KCNK9: variants seen among roughly 807,000 people sequenced by gnomAD.
KCNK9 encodes potassium two pore domain channel subfamily K member 9, also known as potassium channel subfamily K member 9.
Under a neutral mutation model 10.8 loss-of-function variants are expected in KCNK9, and 1 was observed. The observed-to-expected ratio is 0.09, with a 90% CI of 0.03 to 0.44. The LOEUF (loss-of-function observed/expected upper bound fraction) is 0.44, where lower values mean the gene tolerates loss of function less well. KCNK9 is among the 20% of genes least tolerant of loss of function. The probability of loss-of-function intolerance (pLI) is 0.97; values close to 1 mark genes in which losing one functional copy is unlikely to be tolerated. For synonymous variants in KCNK9, 231 were observed against 222.7 expected, an observed-to-expected ratio of 1.04 and a Z score of -0.33; for missense variants, 303 against 515.0, an observed-to-expected ratio of 0.59 and a Z score of 3.98.
intron 1 of KCNK9, among the ~76,000 whole-genome samples, chr8:139,631,168 T>C (rs1246403820): frequency 6.6e-6 from 1 of 152,270 alleles, no homozygotes; most frequent in Non-Finnish European, 1.5e-5. Flanking sequence ...CTAATCTTTC[T>C]TTCTCATAGA....
chr8:139,662,878 G>T (rs1438540890), intron 1 of KCNK9, among the ~76,000 whole-genome samples: 7 of 149,694 alleles, frequency 4.7e-5, no homozygotes, highest in Non-Finnish European at 8.9e-5. Context: ...GGGGAAGGGG[G>T]GGGGGCTGGA....
intron 1 of KCNK9, among the ~76,000 whole-genome samples, chr8:139,642,706 G>A (rs763227104): frequency 6.6e-6 from 1 of 152,248 alleles, no homozygotes; most frequent in Admixed American, 6.5e-5. Context: ...TGGGGAAGGA[G>A]CCGTGGATGG....
At chr8:139,681,792 C>T (rs1009501098) in intron 1 of KCNK9, among the ~76,000 whole-genome samples, 2 of 152,228 alleles carry the variant, frequency 1.3e-5, no homozygotes, top group African/African-American at 4.8e-5. Context: ...GGCCTCAGCA[C>T]CCTACTTGGA....
intron 2 of KCNK9, among the ~76,000 whole-genome samples, chr8:139,605,767 A>G (rs2257733): frequency 5.3e-5 from 8 of 152,250 alleles, no homozygotes; most frequent in Non-Finnish European, 1.2e-4. Context: ...TTACAAAAGA[A>G]AGATGCAAAC....
intron 1 of KCNK9, among the ~76,000 whole-genome samples, chr8:139,658,860 C>T (rs1816083952): frequency 6.6e-6 from 1 of 152,242 alleles, no homozygotes; most frequent in Non-Finnish European, 1.5e-5. Flanking sequence ...TTGGACCTGG[C>T]CTCTACTCCA....
chr8:139,667,835 C>A (rs1227458865), intron 1 of KCNK9, among the ~76,000 whole-genome samples: 1 of 151,896 alleles, frequency 6.6e-6, no homozygotes, highest in East Asian at 1.9e-4. Flanking sequence ...GAGCTGAGAT[C>A]GTGCCACTGC....
chr8:139,700,154 A>G (rs557804912), intron 1 of KCNK9, among the ~76,000 whole-genome samples: 130 of 152,322 alleles, frequency 8.5e-4, no homozygotes, highest in African/African-American at 3.0e-3. Context: ...TGTGCTAAAC[A>G]GCTTCTTAGG....
intron 1 of KCNK9, among the ~76,000 whole-genome samples, chr8:139,679,765 G>A (rs1816643849): frequency 6.6e-6 from 1 of 152,142 alleles, no homozygotes; most frequent in African/African-American, 2.4e-5. Flanking sequence ...AGGGAAACCT[G>A]GGGAAACACA....
At chr8:139,646,648 G>T (rs2615381) in intron 1 of KCNK9, among the ~76,000 whole-genome samples, 149,576 of 152,372 alleles carry the variant, frequency 0.98, 73,474 homozygotes, top group Non-Finnish European at 1. Context: ...AAACAGGGAT[G>T]CCAGGGACTA....
chr8:139,609,393 C>CAA (rs1402340304), downstream of KCNK9, among the ~76,000 whole-genome samples: 1 of 152,198 alleles, frequency 6.6e-6, no homozygotes, highest in Non-Finnish European at 1.5e-5. Flanking sequence ...TTTGCTGGGC[C>CAA]AAGTGGCCCT....
chr8:139,696,959 AGATG>A (rs1817073394), intron 1 of KCNK9, among the ~76,000 whole-genome samples: 3 of 119,980 alleles, frequency 2.5e-5, no homozygotes, highest in South Asian at 3.0e-4. Context: ...GTGGATGAAT[AGATG>A]GATGGATGGG....
intron 1 of KCNK9, among the ~76,000 whole-genome samples, chr8:139,694,564 G>T (rs533586956): frequency 6.6e-6 from 1 of 152,290 alleles, no homozygotes; most frequent in Admixed American, 6.5e-5. Context: ...CTGAAATCCT[G>T]CCCAGGTGAC....
intron 1 of KCNK9, among the ~76,000 whole-genome samples, chr8:139,670,572 G>C (rs1310541058): frequency 3.3e-5 from 5 of 152,064 alleles, no homozygotes; most frequent in Admixed American, 3.3e-4. Flanking sequence ...TGCAAATACC[G>C]CACCATTTTA....
At chr8:139,660,449 A>AAAATATAT (rs56898839) in intron 1 of KCNK9, among the ~76,000 whole-genome samples, 40 of 131,190 alleles carry the variant, frequency 3.0e-4, no homozygotes, top group African/African-American at 1.2e-3. Context: ...GCTAAAAAAA[A>AAAATATAT]ATATATATAT....
At chr8:139,668,825 T>TC (rs1315612708) in intron 1 of KCNK9, among the ~76,000 whole-genome samples, 1 of 152,208 alleles carries the variant, frequency 6.6e-6, no homozygotes, top group African/African-American at 2.4e-5. Flanking sequence ...AGCCTGAGTA[T>TC]CTCTGAGGAA....
chr8:139,634,987 G>A (rs1488244076), intron 1 of KCNK9, among the ~76,000 whole-genome samples: 1 of 152,174 alleles, frequency 6.6e-6, no homozygotes, highest in African/African-American at 2.4e-5. Flanking sequence ...GCCAGCATCA[G>A]TGGATTCTCA....
At chr8:139,673,209 G>A (rs1816475633) in intron 1 of KCNK9, among the ~76,000 whole-genome samples, 1 of 152,106 alleles carries the variant, frequency 6.6e-6, no homozygotes, top group African/African-American at 2.4e-5. Flanking sequence ...GGGAATGGAG[G>A]GCCGGGGGTG....
At chr8:139,673,568 A>G (rs990762774) in intron 1 of KCNK9, among the ~76,000 whole-genome samples, 2 of 152,200 alleles carry the variant, frequency 1.3e-5, no homozygotes. Context: ...CCCATTTTAC[A>G]GATAGGGACA....
At chr8:139,639,500 T>G (rs1453718871) in intron 1 of KCNK9, among the ~76,000 whole-genome samples, 1 of 152,110 alleles carries the variant, frequency 6.6e-6, no homozygotes, top group Non-Finnish European at 1.5e-5. Context: ...CTGGAGAAAG[T>G]CCCCTGAGCC....
Sources: gnomAD v4.1 joint callset for allele counts (sites outside exome capture counted in the v4.1 genomes callset) on GRCh38, gnomAD v4.1.1 for gene constraint, MANE v1.5 for transcripts, NCBI Gene and HGNC (gene_info 2026-07-23, HGNC 2026-07-21) for gene names.